Variants in AP4S1 observed in about 807,000 individuals in gnomAD.
AP4S1 encodes adaptor related protein complex 4 subunit sigma 1.
A neutral mutation model predicts 19.8 loss-of-function variants in AP4S1; 23 were observed. That is an observed-to-expected ratio of 1.16 (90% CI 0.84 to 1.65). The LOEUF is 1.65. Ranked by LOEUF, AP4S1 falls within the 40% of genes most tolerant of loss-of-function variation. The pLI is 0.00. For missense variants in AP4S1, 166 were observed against 172.8 expected, an observed-to-expected ratio of 0.96 and a Z score of 0.22; for synonymous variants, 46 against 54.1, an observed-to-expected ratio of 0.85 and a Z score of 0.66.
intron 1 of AP4S1, among the ~76,000 whole-genome samples, chr14:31,049,478 C>T (rs1350970122): frequency 4.2e-4 from 52 of 123,046 alleles, no homozygotes; most frequent in African/African-American, 1.7e-3. Flanking sequence ...TATATGTACA[C>T]ACACACACAC....
intron 3 of AP4S1, 67 bp downstream of exon 3, chr14:31,069,996 G>A: frequency 1.5e-6 from 2 of 1,342,438 alleles, no homozygotes; most frequent in Non-Finnish European, 2.1e-6. Flanking sequence ...TAAGAATTAT[G>A]ACTCTCTTGA....
intron 1 of AP4S1, among the ~76,000 whole-genome samples, chr14:31,047,586 T>A (rs545287170): frequency 6.6e-6 from 1 of 151,828 alleles, no homozygotes; most frequent in South Asian, 2.1e-4. Context: ...TAGTAGAGAC[T>A]GGGTTTCACT....
intron 1 of AP4S1, among the ~76,000 whole-genome samples, chr14:31,043,115 G>C (rs1332318961): frequency 1.3e-5 from 2 of 151,988 alleles, no homozygotes; most frequent in Non-Finnish European, 2.9e-5. Flanking sequence ...CAGCTACTCG[G>C]GAAACTGAGG....
At chr14:31,060,905 T>C (rs540488132) in intron 1 of AP4S1, among the ~76,000 whole-genome samples, 2 of 152,254 alleles carry the variant, frequency 1.3e-5, no homozygotes, top group Non-Finnish European at 1.5e-5. Flanking sequence ...TTTTTTTCTT[T>C]TTGAGACAGA....
At chr14:31,082,895 C>CA (rs769994048) in intron 5 of AP4S1, among the ~76,000 whole-genome samples, 1,454 of 96,124 alleles carry the variant, frequency 0.015, 12 homozygotes, top group East Asian at 0.05. Flanking sequence ...GACTCCGTCT[C>CA]AAAAAAAAAA....
intron 1 of AP4S1, among the ~76,000 whole-genome samples, chr14:31,064,052 T>A (rs1377982581): frequency 6.6e-6 from 1 of 152,176 alleles, no homozygotes; most frequent in Non-Finnish European, 1.5e-5. Flanking sequence ...CTCACTTGCA[T>A]TGATTTTTCC....
chr14:31,062,419 G>A (rs1886490526), intron 1 of AP4S1, among the ~76,000 whole-genome samples: 1 of 152,014 alleles, frequency 6.6e-6, no homozygotes, highest in African/African-American at 2.4e-5. Flanking sequence ...ATTTTTAAAG[G>A]ACCTTAGGAA....
intron 1 of AP4S1, among the ~76,000 whole-genome samples, chr14:31,064,068 C>T (rs942875398): frequency 6.6e-6 from 1 of 152,110 alleles, no homozygotes; most frequent in Non-Finnish European, 1.5e-5. Flanking sequence ...TTTCCAAAAC[C>T]TATGTTGAGT....
chr14:31,066,362 C>T, intron 2 of AP4S1, 28 bp downstream of exon 2: 1 of 1,613,582 alleles, frequency 6.2e-7, no homozygotes, highest in African/African-American at 1.3e-5. Flanking sequence ...TCTTTTATCT[C>T]TGCATTCAAC....
intron 4 of AP4S1, among the ~76,000 whole-genome samples, chr14:31,077,942 G>T (rs1051246513): frequency 1.3e-5 from 2 of 151,958 alleles, no homozygotes; most frequent in African/African-American, 4.8e-5. Flanking sequence ...CACCATATTG[G>T]CCAGGATGGT....
intron 1 of AP4S1, among the ~76,000 whole-genome samples, chr14:31,054,897 C>T (rs890143947): frequency 1.1e-3 from 87 of 81,836 alleles, no homozygotes; most frequent in Non-Finnish European, 1.9e-3. Context: ...AAAAAAAAAA[C>T]AGTGACAGGT....
intron 1 of AP4S1, among the ~76,000 whole-genome samples, chr14:31,063,201 C>G (rs752987333): frequency 2.0e-5 from 3 of 152,046 alleles, no homozygotes; most frequent in Admixed American, 2.0e-4. Flanking sequence ...GAGGCTGAGG[C>G]GGGCAGATCA....
chr14:31,025,591 G>A, upstream of AP4S1: 1 of 455,388 alleles, frequency 2.2e-6, no homozygotes, highest in Non-Finnish European at 4.0e-6. Flanking sequence ...GAGGTGCTCG[G>A]TCCCAAGCCC....
At chr14:31,087,306 C>CTA (rs1373173503) in intron 5 of AP4S1, among the ~76,000 whole-genome samples, 7 of 152,210 alleles carry the variant, frequency 4.6e-5, no homozygotes, top group African/African-American at 1.7e-4. Flanking sequence ...GTTTCTAGGG[C>CTA]CCTTGACTCT....
At chr14:31,038,827 T>C (rs1884925462) in intron 1 of AP4S1, among the ~76,000 whole-genome samples, 1 of 152,204 alleles carries the variant, frequency 6.6e-6, no homozygotes, top group Non-Finnish European at 1.5e-5. Flanking sequence ...CCTATTGTTA[T>C]TATGCTCTGT....
chr14:31,066,302 A>G lies in AP4S1; in HGVS notation c.106A>G (p.Ile36Val), dbSNP rs761590094. ...GCGTACACTTCTGGAAACAGAAGTC[A>G]TAAAGAGCTGTCTCTCTCGATCCAA... is the stretch of plus-strand genomic sequence containing the variant. ...NKRTLLETEV[I>V]KSCLSRSNEQ... Residue 36 changes from isoleucine (I) to valine (V), a missense_variant, in exon 2 of 6, where the codon ATA becomes GTA. Coordinates refer to ENST00000542754, the MANE Select transcript of AP4S1 (RefSeq NM_001128126.3). 1 of 1,614,062 alleles carries G rather than the reference A, an allele frequency of 6.2e-7. No homozygotes were observed. The highest frequency in any genetic ancestry group is 1.7e-5 in the Admixed American group (1 of 60,026).
At chr14:31,041,068 T>TC (rs1379146553) in intron 1 of AP4S1, among the ~76,000 whole-genome samples, 2 of 110,894 alleles carry the variant, frequency 1.8e-5, no homozygotes, top group East Asian at 5.2e-4. Flanking sequence ...AGAGTGAGAC[T>TC]CCATCTCAAA....
At chr14:31,076,069 TG>T (rs1230071514) in intron 4 of AP4S1, among the ~76,000 whole-genome samples, 2 of 152,228 alleles carry the variant, frequency 1.3e-5, no homozygotes, top group Non-Finnish European at 2.9e-5. Flanking sequence ...ATTCATCAGT[TG>T]ATGGACATTT....
At chr14:31,033,914 A>G (rs1366271391) in intron 1 of AP4S1, among the ~76,000 whole-genome samples, 1 of 152,216 alleles carries the variant, frequency 6.6e-6, no homozygotes, top group Non-Finnish European at 1.5e-5. Flanking sequence ...GGCTGTGATA[A>G]TATTGTTTAA....
Sources: gnomAD v4.1 joint callset for allele counts (sites outside exome capture counted in the v4.1 genomes callset) on GRCh38, gnomAD v4.1.1 for gene constraint, MANE v1.5 for transcripts, NCBI Gene and HGNC (gene_info 2026-07-23, HGNC 2026-07-21) for gene names.